The following DENND2B variants were observed in gnomAD, a reference collection of about 807,000 sequenced individuals.
The protein encoded by DENND2B is DENN domain containing 2B, also known as DENN domain-containing protein 2B.
Under a neutral mutation model 116.0 loss-of-function variants are expected in DENND2B, and 32 were observed. The observed-to-expected ratio is 0.28, with a 90% CI of 0.21 to 0.37. The LOEUF (loss-of-function observed/expected upper bound fraction) is 0.37, where lower values mean the gene tolerates loss of function less well. Among genes scored for constraint, DENND2B ranks in the 10% least tolerant of loss-of-function variants. DENND2B has a pLI of 1.00. For synonymous variants in DENND2B, 588 were observed against 583.9 expected, an observed-to-expected ratio of 1.01 and a Z score of -0.10; for missense variants, 1,276 against 1,477.7, an observed-to-expected ratio of 0.86 and a Z score of 2.24.
intron 1 of DENND2B, among the ~76,000 whole-genome samples, chr11:8,783,827 G>C (rs16905855): frequency 6.6e-6 from 1 of 152,118 alleles, no homozygotes; most frequent in Non-Finnish European, 1.5e-5. Context: ...CTACCGAAAC[G>C]AAGAGCCAGG....
upstream of DENND2B, among the ~76,000 whole-genome samples, chr11:8,872,463 G>A (rs1349066887): frequency 6.7e-6 from 1 of 149,248 alleles, no homozygotes. Flanking sequence ...TTCCAGCCTG[G>A]GCAACAGAGT....
At chr11:8,814,897 C>G (rs1343631042), upstream of DENND2B, among the ~76,000 whole-genome samples, 1 of 152,186 alleles carries the variant, frequency 6.6e-6, no homozygotes, top group African/African-American at 2.4e-5. Context: ...CTCTTTTCAT[C>G]GACTTACAAA....
chr11:8,716,305 G>A (rs964949693), intron 5 of DENND2B, among the ~76,000 whole-genome samples: 1 of 152,286 alleles, frequency 6.6e-6, no homozygotes. Context: ...GAACACAGGG[G>A]CTCTGGGCTC....
At chr11:8,901,234 T>TTTTCTTTTC (rs1213336220) in intron 1 of DENND2B, among the ~76,000 whole-genome samples, 172 of 44,458 alleles carry the variant, frequency 3.9e-3, no homozygotes, top group Middle Eastern at 8.5e-3. Flanking sequence ...CTTTTCTTTT[T>TTTTCTTTTC]TTTTTTTTTT....
At chr11:8,713,675 C>T (rs901093267) in intron 8 of DENND2B, among the ~76,000 whole-genome samples, 3 of 152,116 alleles carry the variant, frequency 2.0e-5, no homozygotes, top group Non-Finnish European at 4.4e-5. Flanking sequence ...CCACCGCGCC[C>T]GGCTGAGATC....
chr11:8,734,487 T>C (rs2133948820), intron 2 of DENND2B, among the ~76,000 whole-genome samples: 1 of 152,160 alleles, frequency 6.6e-6, no homozygotes, highest in South Asian at 2.1e-4. Flanking sequence ...AAAATGGGTG[T>C]TGGAAGATCA....
chr11:8,796,651 C>T (rs750706260), intron 1 of DENND2B, among the ~76,000 whole-genome samples: 2 of 152,200 alleles, frequency 1.3e-5, no homozygotes, highest in Non-Finnish European at 2.9e-5. Context: ...CTTGAAGACT[C>T]TAGAAGAGAT....
chr11:8,786,711 G>A (rs934309212), intron 1 of DENND2B, among the ~76,000 whole-genome samples: 2 of 152,204 alleles, frequency 1.3e-5, no homozygotes, highest in Non-Finnish European at 2.9e-5. Flanking sequence ...TCAGGAGGCT[G>A]AGGCGGAAGG....
intron 3 of DENND2B, among the ~76,000 whole-genome samples, chr11:8,842,619 A>G (rs2062664309): frequency 6.6e-6 from 1 of 152,186 alleles, no homozygotes; most frequent in Non-Finnish European, 1.5e-5. Flanking sequence ...GGTCTCTATC[A>G]CTGTGCTAAA....
intron 5 of DENND2B, 41 bp downstream of exon 5, chr11:8,717,700 C>T: frequency 6.7e-7 from 1 of 1,489,630 alleles, no homozygotes; most frequent in Non-Finnish European, 8.9e-7. Context: ...CCACTGTGGC[C>T]CTCACGCTAA....
At chr11:8,891,699 A>C (rs1341047797) in intron 1 of DENND2B, among the ~76,000 whole-genome samples, 26 of 152,212 alleles carry the variant, frequency 1.7e-4, no homozygotes, top group Admixed American at 1.6e-3. Context: ...AACTATCCTA[A>C]ATATATATGC....
At position 8,741,426 on chromosome 11, in the gene DENND2B, A is replaced by G. The variant is rs1223916795; in HGVS notation, c.80+9195T>C. ...CCCTCTGAGGTTACTGATCCCTGACAGGAACATCCCCAGTGCCCTAGTCCA... is the reference window on the plus strand; with the variant it reads ...CCCTCTGAGGTTACTGATCCCTGACGGGAACATCCCCAGTGCCCTAGTCCA... On this transcript the variant is annotated intron_variant, in intron 2 of 19. Transcript: ENST00000313726. Among the ~76,000 whole-genome samples, 5 of 152,332 alleles carry G rather than the reference A, an allele frequency of 3.3e-5. No individual in the cohort carries two copies. In the East Asian group the frequency reaches 7.7e-4, roughly 23 times the overall value.
intron 2 of DENND2B, among the ~76,000 whole-genome samples, chr11:8,865,346 AT>A (rs559476449): frequency 2.0e-4 from 30 of 152,282 alleles, no homozygotes; most frequent in Non-Finnish European, 3.7e-4. Context: ...ATAGAAAAAA[AT>A]ATATATATTT....
intron 1 of DENND2B, among the ~76,000 whole-genome samples, chr11:8,893,043 T>C (rs1413219293): frequency 6.6e-6 from 1 of 152,182 alleles, no homozygotes; most frequent in Non-Finnish European, 1.5e-5. Flanking sequence ...GAAAAGCTTA[T>C]CCACCATGAT....
chr11:8,834,342 G>A (rs1226792473), intron 4 of DENND2B, among the ~76,000 whole-genome samples: 1 of 152,162 alleles, frequency 6.6e-6, no homozygotes, highest in African/African-American at 2.4e-5. Context: ...TAAATTAGAC[G>A]CTTTCCATCC....
intron 1 of DENND2B, among the ~76,000 whole-genome samples, chr11:8,781,312 G>A (rs987140720): frequency 1.3e-5 from 2 of 152,122 alleles, no homozygotes; most frequent in Admixed American, 6.5e-5. Context: ...TTGCCAGCCC[G>A]GGCTTGGAAG....
At chr11:8,796,796 C>T (rs1354941594) in intron 1 of DENND2B, among the ~76,000 whole-genome samples, 1 of 152,054 alleles carries the variant, frequency 6.6e-6, no homozygotes, top group Admixed American at 6.6e-5. Context: ...ACTTATGGAG[C>T]GTTAAGGAGA....
intron 1 of DENND2B, among the ~76,000 whole-genome samples, chr11:8,898,300 G>T: frequency 6.6e-6 from 1 of 152,104 alleles, no homozygotes; most frequent in Middle Eastern, 3.2e-3. Flanking sequence ...GCTGAGGAGG[G>T]ACAACTGCTT....
chr11:8,861,741 G>A (rs774499106), intron 2 of DENND2B, among the ~76,000 whole-genome samples: 71 of 152,050 alleles, frequency 4.7e-4, no homozygotes, highest in Non-Finnish European at 8.1e-4. Flanking sequence ...TATGTTTATC[G>A]CAGCACAATT....
Sources: gnomAD v4.1 joint callset for allele counts (sites outside exome capture counted in the v4.1 genomes callset) on GRCh38, gnomAD v4.1.1 for gene constraint, MANE v1.5 for transcripts, NCBI Gene and HGNC (gene_info 2026-07-23, HGNC 2026-07-21) for gene names.